The following CA10 variants were observed in gnomAD, a reference collection of about 807,000 sequenced individuals.
CA10 encodes the protein carbonic anhydrase 10 (inactive).
In CA10, 14 loss-of-function variants were observed where a neutral mutation model predicts 44.2. That is an observed-to-expected ratio of 0.32 (90% CI 0.21 to 0.50). CA10 has a LOEUF of 0.50. Ranked by LOEUF, CA10 falls within the 20% of genes least tolerant of loss-of-function variation. CA10 has a pLI of 0.99. For missense variants in CA10, 350 were observed against 409.7 expected, an observed-to-expected ratio of 0.85 and a Z score of 1.26; for synonymous variants, 159 against 141.6, an observed-to-expected ratio of 1.12 and a Z score of -0.87.
intron 3 of CA10, among the ~76,000 whole-genome samples, chr17:51,911,357 A>G (rs1981783783): frequency 6.6e-6 from 1 of 152,156 alleles, no homozygotes; most frequent in Non-Finnish European, 1.5e-5. Context: ...GACTTCATGA[A>G]GTTGTGCAGA....
intron 4 of CA10, among the ~76,000 whole-genome samples, chr17:51,717,638 TGTATATATACATATATAC>T (rs1327229841): frequency 3.3e-4 from 25 of 76,766 alleles, no homozygotes; most frequent in African/African-American, 1.1e-3. Context: ...CATATATGCA[TGTATATATACATATATAC>T]GTATATATAC....
chr17:51,697,307 C>T (rs9895101), intron 4 of CA10, among the ~76,000 whole-genome samples: 1 of 152,186 alleles, frequency 6.6e-6, no homozygotes, highest in Admixed American at 6.5e-5. Context: ...TAAGATACTC[C>T]CCCTACAGCA....
chr17:51,856,816 C>A (rs545525955), intron 3 of CA10, among the ~76,000 whole-genome samples: 1 of 152,166 alleles, frequency 6.6e-6, no homozygotes, highest in East Asian at 1.9e-4. Context: ...GGCTCCAAAG[C>A]GGGGGAGGTC....
chr17:51,772,285 C>T (rs1051453427), intron 3 of CA10, among the ~76,000 whole-genome samples: 3 of 152,072 alleles, frequency 2.0e-5, no homozygotes, highest in African/African-American at 7.2e-5. Flanking sequence ...ACTAGTATTA[C>T]CATTACTGCT....
chr17:51,866,898 A>C (rs1233974334), intron 3 of CA10, among the ~76,000 whole-genome samples: 1 of 150,116 alleles, frequency 6.7e-6, no homozygotes, highest in African/African-American at 2.5e-5. Context: ...ATTAAAGGGA[A>C]ATTTCAAAAT....
chr17:52,054,280 A>G (rs568991623), intron 2 of CA10, among the ~76,000 whole-genome samples: 17 of 152,272 alleles, frequency 1.1e-4, no homozygotes, highest in South Asian at 4.1e-4. Context: ...TTACGGTCGT[A>G]CATAAGGGAT....
chr17:51,867,317 G>C (rs1159137587), intron 3 of CA10, among the ~76,000 whole-genome samples: 1 of 152,030 alleles, frequency 6.6e-6, no homozygotes, highest in African/African-American at 2.4e-5. Context: ...ATTAAGATGG[G>C]GTCTAAAAGT....
chr17:51,815,186 TA>T (rs1457060066), intron 3 of CA10, among the ~76,000 whole-genome samples: 1 of 152,030 alleles, frequency 6.6e-6, no homozygotes, highest in East Asian at 1.9e-4. Flanking sequence ...TACTGGCATC[TA>T]GTAAGCAGAG....
chr17:51,679,042 C>T (rs12449528), intron 4 of CA10, among the ~76,000 whole-genome samples: 94,600 of 151,924 alleles, frequency 0.62, 29,621 homozygotes, highest in Admixed American at 0.72. Flanking sequence ...TATTTGTATG[C>T]TACAGTCATT....
intron 3 of CA10, among the ~76,000 whole-genome samples, chr17:51,793,921 C>A (rs942223912): frequency 6.6e-6 from 1 of 152,194 alleles, no homozygotes; most frequent in Non-Finnish European, 1.5e-5. Flanking sequence ...CCAATGCAGT[C>A]TGATGAGGAT....
intron 2 of CA10, among the ~76,000 whole-genome samples, chr17:51,968,254 GA>G (rs552892854): frequency 8.7e-4 from 132 of 151,858 alleles, no homozygotes; most frequent in Non-Finnish European, 1.5e-3. Context: ...CCTGTATGCA[GA>G]TATTTATAGC....
Position 51,941,999 on chromosome 17 carries a change from A to G in CA10, c.137-10867T>C, listed in dbSNP as rs569127131. On this transcript the variant is annotated intron_variant, in intron 2 of 8. Coordinates refer to ENST00000451037, the MANE Select transcript of CA10 (RefSeq NM_020178.5). Reference sequence around the variant, plus strand: ...TTACACACATGGCAAAAGTAGGTGAATAATGAAGGGTACAGTAGAATTGCA... The same window carrying G: ...TTACACACATGGCAAAAGTAGGTGAGTAATGAAGGGTACAGTAGAATTGCA... Among the ~76,000 whole-genome samples the G allele has an allele frequency of 5.6e-4, 85 of 151,778 alleles. 1 individual carries two copies. The highest frequency in any genetic ancestry group is 3.4e-3 in the Middle Eastern group (1 of 294).
At chr17:51,746,966 C>T (rs1326434578) in intron 4 of CA10, among the ~76,000 whole-genome samples, 3 of 152,198 alleles carry the variant, frequency 2.0e-5, no homozygotes, top group Non-Finnish European at 4.4e-5. Context: ...AGTTCATAAA[C>T]ACCCTCCAGT....
chr17:51,905,933 C>T (rs1016484113), intron 3 of CA10, among the ~76,000 whole-genome samples: 1 of 152,122 alleles, frequency 6.6e-6, no homozygotes, highest in Non-Finnish European at 1.5e-5. Context: ...CACAGAAACC[C>T]TCCTCTGTCC....
At chr17:51,640,686 A>G (rs1688104588) in intron 6 of CA10, among the ~76,000 whole-genome samples, 1 of 152,214 alleles carries the variant, frequency 6.6e-6, no homozygotes, top group African/African-American at 2.4e-5. Context: ...CAAGAAAAGA[A>G]CATGAGTAAA....
chr17:52,144,520 A>T (rs763649922), intron 1 of CA10, among the ~76,000 whole-genome samples: 2 of 152,226 alleles, frequency 1.3e-5, no homozygotes, highest in African/African-American at 2.4e-5. Flanking sequence ...TTAAAAAATT[A>T]TTAAAGGAAC....
intron 2 of CA10, among the ~76,000 whole-genome samples, chr17:51,931,899 A>G (rs1331446676): frequency 2.0e-5 from 3 of 152,166 alleles, no homozygotes; most frequent in Non-Finnish European, 4.4e-5. Flanking sequence ...TTTTCAGGGC[A>G]AGGGTGGGGA....
intron 2 of CA10, among the ~76,000 whole-genome samples, chr17:51,992,445 T>C (rs987937633): frequency 6.6e-6 from 1 of 152,096 alleles, no homozygotes; most frequent in Non-Finnish European, 1.5e-5. Flanking sequence ...TGCCTATAGC[T>C]TAGCCCAGTT....
chr17:51,974,399 C>CAA (rs910068331), intron 2 of CA10, among the ~76,000 whole-genome samples: 2 of 64,122 alleles, frequency 3.1e-5, no homozygotes, highest in East Asian at 2.9e-4. Flanking sequence ...AAAAAAAAAA[C>CAA]AAAAACAAAA....
Sources: gnomAD v4.1 joint callset for allele counts (sites outside exome capture counted in the v4.1 genomes callset) on GRCh38, gnomAD v4.1.1 for gene constraint, MANE v1.5 for transcripts, NCBI Gene and HGNC (gene_info 2026-07-23, HGNC 2026-07-21) for gene names.